The following CPA6 variants were observed in gnomAD, a reference collection of about 807,000 sequenced individuals.
CPA6 encodes carboxypeptidase B.
In CPA6, 58 loss-of-function variants were observed where a neutral mutation model predicts 63.3. The observed-to-expected ratio is 0.92, with a 90% CI of 0.74 to 1.14. The LOEUF (loss-of-function observed/expected upper bound fraction) is 1.14. Ranked by LOEUF, CPA6 falls within the 50% of genes most tolerant of loss-of-function variation. The pLI, the probability that CPA6 is intolerant of heterozygous loss-of-function variation, is 0.00. For synonymous variants in CPA6, 185 were observed against 179.0 expected (o/e 1.03, Z -0.27); for missense variants, 565 against 526.6 (o/e 1.07, Z -0.71).
intron 8 of CPA6, among the ~76,000 whole-genome samples, chr8:67,440,026 T>C (rs908630377): frequency 1.4e-4 from 21 of 152,182 alleles, no homozygotes; most frequent in Admixed American, 3.3e-4. Flanking sequence ...AGCCTTGGTA[T>C]TTGTATTAGT....
chr8:67,734,174 C>T (rs1404557507), intron 1 of CPA6, among the ~76,000 whole-genome samples: 1 of 151,734 alleles, frequency 6.6e-6, no homozygotes, highest in African/African-American at 2.4e-5. Flanking sequence ...CACCAGCCTC[C>T]CTCTTATCAA....
At chr8:67,515,594 G>T (rs750308282) in intron 3 of CPA6, among the ~76,000 whole-genome samples, 1 of 152,102 alleles carries the variant, frequency 6.6e-6, no homozygotes, top group African/African-American at 2.4e-5. Context: ...TCTCTGCAGC[G>T]TCATGCCACT....
intron 2 of CPA6, among the ~76,000 whole-genome samples, chr8:67,552,184 A>T (rs1305644532): frequency 6.6e-6 from 1 of 152,250 alleles, no homozygotes; most frequent in African/African-American, 2.4e-5. Flanking sequence ...AACCAAGCTT[A>T]AAAGTGAAGA....
intron 1 of CPA6, among the ~76,000 whole-genome samples, chr8:67,640,863 C>A (rs75406870): frequency 0.014 from 2,151 of 151,734 alleles, 148 homozygotes; most frequent in African/African-American, 0.05. Flanking sequence ...ACCCGACACT[C>A]CTGGGGCCAG....
intron 1 of CPA6, among the ~76,000 whole-genome samples, chr8:67,657,275 T>TC (rs1816007620): frequency 1.3e-5 from 2 of 152,244 alleles, no homozygotes; most frequent in South Asian, 4.1e-4. Context: ...CCTTCGTGAT[T>TC]ACAGCAGACT....
At chr8:67,697,854 C>A (rs555493838) in intron 1 of CPA6, among the ~76,000 whole-genome samples, 1 of 152,048 alleles carries the variant, frequency 6.6e-6, no homozygotes, top group East Asian at 1.9e-4. Flanking sequence ...AACATTTGTA[C>A]GTGTCAATAA....
intron 1 of CPA6, among the ~76,000 whole-genome samples, chr8:67,645,357 A>G (rs965995144): frequency 6.6e-6 from 1 of 152,204 alleles, no homozygotes; most frequent in African/African-American, 2.4e-5. Flanking sequence ...TGAGTGCCTT[A>G]AGAGTGAATG....
At chr8:67,653,851 C>A (rs1587673574) in intron 1 of CPA6, among the ~76,000 whole-genome samples, 2 of 151,880 alleles carry the variant, frequency 1.3e-5, no homozygotes, top group South Asian at 2.1e-4. Flanking sequence ...CAGTTTTTGC[C>A]CATTCAGTAT....
chr8:67,702,431 C>A (rs1471880649), intron 1 of CPA6, among the ~76,000 whole-genome samples: 2 of 152,054 alleles, frequency 1.3e-5, no homozygotes, highest in African/African-American at 4.8e-5. Flanking sequence ...CCCACCCCCA[C>A]CAGGAATGTC....
intron 9 of CPA6, among the ~76,000 whole-genome samples, chr8:67,432,363 A>T (rs1335340117): frequency 6.6e-6 from 1 of 152,186 alleles, no homozygotes; most frequent in Non-Finnish European, 1.5e-5. Context: ...ATGTGCTGGG[A>T]GGTTGATGCA....
At chr8:67,545,009 T>C in intron 2 of CPA6, among the ~76,000 whole-genome samples, 1 of 152,220 alleles carries the variant, frequency 6.6e-6, no homozygotes. Flanking sequence ...AGAAAGACTT[T>C]TGCCTGTATA....
intron 2 of CPA6, among the ~76,000 whole-genome samples, chr8:67,552,989 T>G (rs1455996043): frequency 1.3e-5 from 2 of 152,078 alleles, no homozygotes; most frequent in Non-Finnish European, 2.9e-5. Context: ...AATTACAAAA[T>G]GCTAATGTCA....
Position 67,732,580 on chromosome 8 carries a change from G to A in CPA6, c.116+13434C>T, listed in dbSNP as rs555831670. On this transcript the variant is annotated intron_variant, in intron 1 of 10. Transcript: ENST00000297770. ...TAATACCGAGCCGCACGTGGTTAGT[G>A]TTATAAACGACAGAGTGGCATGGGC... 4 of 152,420 alleles carry A rather than the reference G, an allele frequency of 2.6e-5. No homozygotes were observed. The East Asian group carries it at 5.8e-4, about 22-fold the overall frequency. 9.4% of individuals were successfully genotyped at this position (152,420 alleles called of 1,614,324 possible).
At chr8:67,428,193 A>G (rs1436653928) in intron 9 of CPA6, 62 bp from the exon 10 acceptor site, 3 of 919,080 alleles carry the variant, frequency 3.3e-6, no homozygotes, top group Non-Finnish European at 5.3e-6. Context: ...ATACACTGCT[A>G]TGTTGTTTGA....
rs1564021548 is a variant in CPA6 at position 67,607,251 on chromosome 8, T to TCCTC, written c.192+16924_192+16925insGAGG. ...TTCTTCTTCTTCTTCTTCTTCTTCT[T>TCCTC]CTCCTCCTCCTCCTTTCTTCTTTCT... On this transcript the variant is annotated intron_variant, in intron 2 of 10. Coordinates refer to ENST00000297770, the MANE Select transcript of CPA6 (RefSeq NM_020361.5). Among the ~76,000 whole-genome samples, 119 of 81,096 alleles carry TCCTC rather than the reference T, an allele frequency of 1.5e-3. 16 individuals are homozygous for TCCTC. The highest frequency in any genetic ancestry group is 6.4e-3 in the African/African-American group (98 of 15,340). 53.2% of individuals were successfully genotyped at this position (81,096 alleles called of 152,430 possible).
At chr8:67,713,099 G>GCA (rs1817303149) in intron 1 of CPA6, among the ~76,000 whole-genome samples, 1 of 55,026 alleles carries the variant, frequency 1.8e-5, no homozygotes, top group Admixed American at 2.8e-4. Context: ...GTGTGTGTGT[G>GCA]TATATATATA....
chr8:67,628,564 T>C (rs746630859), intron 1 of CPA6, among the ~76,000 whole-genome samples: 1 of 152,264 alleles, frequency 6.6e-6, no homozygotes, highest in East Asian at 1.9e-4. Flanking sequence ...GTTAACAGTT[T>C]CTTGTGTATC....
chr8:67,583,290 A>T (rs559286215), intron 2 of CPA6, among the ~76,000 whole-genome samples: 3 of 152,282 alleles, frequency 2.0e-5, no homozygotes, highest in African/African-American at 7.2e-5. Context: ...ACTTAGAGTA[A>T]CAGATAATTA....
intron 8 of CPA6, among the ~76,000 whole-genome samples, chr8:67,479,694 C>T (rs1376654872): frequency 6.6e-6 from 1 of 152,142 alleles, no homozygotes; most frequent in Admixed American, 6.5e-5. Flanking sequence ...TACAGTCTAG[C>T]AACATTACCT....
Sources: allele counts gnomAD v4.1 joint callset (sites outside exome capture counted in the v4.1 genomes callset), GRCh38; gene constraint gnomAD v4.1.1; transcripts MANE v1.5; gene names NCBI Gene and HGNC (gene_info 2026-07-23, HGNC 2026-07-21).